The following FRS2 variants were observed in gnomAD, a reference collection of about 807,000 sequenced individuals.
FRS2 encodes the protein fibroblast growth factor receptor substrate 2, also known as FGFR signalling adaptor.
Under a neutral mutation model 43.9 loss-of-function variants are expected in FRS2, and 8 were observed. The ratio of observed to expected loss-of-function variants is 0.18; its 90% CI spans 0.11 to 0.33. FRS2 has a LOEUF of 0.33. Among genes scored for constraint, FRS2 ranks in the 10% least tolerant of loss-of-function variants. FRS2 has a pLI of 1.00. For missense variants in FRS2, 534 were observed against 627.6 expected (o/e 0.85, Z 1.59); for synonymous variants, 219 against 220.3 (o/e 0.99, Z 0.05).
At chr12:69,487,423 C>T (rs1365507186) in intron 1 of FRS2, among the ~76,000 whole-genome samples, 5 of 152,118 alleles carry the variant, frequency 3.3e-5, no homozygotes, top group Non-Finnish European at 7.3e-5. Context: ...ATGAATGGAA[C>T]AATAAAGTCT....
intron 1 of FRS2, among the ~76,000 whole-genome samples, chr12:69,471,466 C>A (rs982118031): frequency 6.6e-6 from 1 of 152,136 alleles, no homozygotes; most frequent in Non-Finnish European, 1.5e-5. Flanking sequence ...CTTGGATTTT[C>A]TTGAGAGATT....
chr12:69,555,331 C>G (rs1879244704), intron 3 of FRS2, among the ~76,000 whole-genome samples: 1 of 152,184 alleles, frequency 6.6e-6, no homozygotes, highest in Non-Finnish European at 1.5e-5. Flanking sequence ...AGGCATGAGC[C>G]ACTGTGCCCA....
chr12:69,567,815 A>G (rs1758365295), intron 4 of FRS2, among the ~76,000 whole-genome samples: 1 of 152,178 alleles, frequency 6.6e-6, no homozygotes, highest in South Asian at 2.1e-4. Flanking sequence ...TTCTGACAGG[A>G]CTAAGAATAG....
intron 1 of FRS2, among the ~76,000 whole-genome samples, chr12:69,476,885 T>C (rs1200357817): frequency 6.6e-6 from 1 of 152,184 alleles, no homozygotes; most frequent in East Asian, 1.9e-4. Context: ...GCTATAGAAA[T>C]ATTTAAATTC....
At chr12:69,544,131 A>G (rs565131379) in intron 3 of FRS2, among the ~76,000 whole-genome samples, 2 of 151,096 alleles carry the variant, frequency 1.3e-5, no homozygotes, top group East Asian at 3.9e-4. Flanking sequence ...GAGTACTGGA[A>G]CTTAACAGAA....
At chr12:69,530,554 T>C (rs1876686874) in intron 1 of FRS2, among the ~76,000 whole-genome samples, 1 of 151,936 alleles carries the variant, frequency 6.6e-6, no homozygotes, top group Admixed American at 6.6e-5. Context: ...GCCTGGGCAA[T>C]GTAGTGAGAC....
intron 3 of FRS2, among the ~76,000 whole-genome samples, chr12:69,539,500 G>A (rs112267576): frequency 0.01 from 1,566 of 152,264 alleles, 22 homozygotes; most frequent in African/African-American, 0.036. Flanking sequence ...GCCTGAAGGT[G>A]ATTTATACAA....
At chr12:69,538,587 G>T (rs1030341000) in intron 3 of FRS2, among the ~76,000 whole-genome samples, 14 of 152,134 alleles carry the variant, frequency 9.2e-5, no homozygotes, top group African/African-American at 3.4e-4. Flanking sequence ...GTGTGTGGGG[G>T]TGGTATGTGT....
At chr12:69,526,448 GAA>G (rs1467616765) in intron 1 of FRS2, among the ~76,000 whole-genome samples, 2 of 151,128 alleles carry the variant, frequency 1.3e-5, no homozygotes, top group South Asian at 4.2e-4. Flanking sequence ...GATTCAGAAA[GAA>G]AATATTCCTA....
intron 3 of FRS2, among the ~76,000 whole-genome samples, chr12:69,542,685 A>T (rs927178623): frequency 4.6e-5 from 7 of 152,230 alleles, no homozygotes; most frequent in Non-Finnish European, 8.8e-5. Context: ...TCAGTAGACC[A>T]AAGATGTTGG....
chr12:69,540,413 A>G (rs1350352529), intron 3 of FRS2, among the ~76,000 whole-genome samples: 1 of 152,078 alleles, frequency 6.6e-6, no homozygotes, highest in African/African-American at 2.4e-5. Flanking sequence ...GGAGTCACCT[A>G]AAAGAGCTAA....
intron 3 of FRS2, among the ~76,000 whole-genome samples, chr12:69,539,752 G>A (rs1004574307): frequency 6.6e-6 from 1 of 151,938 alleles, no homozygotes; most frequent in Non-Finnish European, 1.5e-5. Context: ...TCAGGAGTTC[G>A]AGACCAGCCT....
At chr12:69,557,619 T>TGCGCGC (rs529133007) in intron 3 of FRS2, among the ~76,000 whole-genome samples, 2,672 of 118,844 alleles carry the variant, frequency 0.022, 42 homozygotes, top group South Asian at 0.051. Context: ...TGTGTGTGTG[T>TGCGCGC]GCGCGCGCGC....
intron 1 of FRS2, among the ~76,000 whole-genome samples, chr12:69,505,017 T>C (rs962005248): frequency 1.3e-5 from 2 of 152,180 alleles, no homozygotes; most frequent in African/African-American, 2.4e-5. Flanking sequence ...TTGTATTGTA[T>C]TGTACTGTAC....
chr12:69,472,334 C>T (rs2870898), intron 1 of FRS2, among the ~76,000 whole-genome samples: 55,829 of 149,338 alleles, frequency 0.37, 10,849 homozygotes, highest in South Asian at 0.58. Flanking sequence ...CTCAAGTGAT[C>T]CTCCCATCTC....
At chr12:69,496,659 A>G (rs1326101659) in intron 1 of FRS2, among the ~76,000 whole-genome samples, 1 of 152,234 alleles carries the variant, frequency 6.6e-6, no homozygotes, top group Admixed American at 6.5e-5. Flanking sequence ...TCTAACTTGC[A>G]GTTGTATTAG....
chr12:69,473,780 T>C (rs1190384101), intron 1 of FRS2, among the ~76,000 whole-genome samples: 1 of 152,070 alleles, frequency 6.6e-6, no homozygotes, highest in East Asian at 1.9e-4. Flanking sequence ...AGGACCTCAA[T>C]GTCGTAGGTG....
chr12:69,572,187 C>T lies in FRS2; in HGVS notation c.482C>T (p.Ser161Phe), dbSNP rs1218926642. ...TATCCCTCATTTGGAGATGCTTCAT[C>T]CCATCCGTCAAGCAGACATCCTTCT... ...PRYPSFGDAS[S>F]HPSSRHPSVG... Residue 161 changes from serine to phenylalanine, a missense_variant, in exon 8 of 9, where the codon TCC becomes TTC. By Grantham distance (155) the Ser-to-Phe change is radical. Transcript: ENST00000549921. The T allele has an allele frequency of 6.2e-7, 1 of 1,612,700 alleles. No individual in the cohort carries two copies. Among genetic ancestry groups the T allele is most frequent in the Admixed American group, 1.7e-5 (1 of 60,006 alleles).
At chr12:69,481,984 A>T (rs1871383666) in intron 1 of FRS2, among the ~76,000 whole-genome samples, 1 of 149,560 alleles carries the variant, frequency 6.7e-6, no homozygotes, top group Admixed American at 6.6e-5. Context: ...GAGGTACCTT[A>T]GTGTTTTATG....
Sources: allele counts gnomAD v4.1 joint callset (sites outside exome capture counted in the v4.1 genomes callset), GRCh38; gene constraint gnomAD v4.1.1; transcripts MANE v1.5; gene names NCBI Gene and HGNC (gene_info 2026-07-23, HGNC 2026-07-21).